The following PPP2R5A variants were observed in gnomAD, a reference collection of about 807,000 sequenced individuals.
PPP2R5A encodes serine/threonine-protein phosphatase 2A 56 kDa regulatory subunit alpha isoform.
A neutral mutation model predicts 64.2 loss-of-function variants in PPP2R5A; 25 were observed. The ratio of observed to expected loss-of-function variants is 0.39; its 90% CI spans 0.28 to 0.54. The LOEUF is 0.54. PPP2R5A is among the 20% of genes least tolerant of loss of function. The pLI is 0.67. For missense variants in PPP2R5A, 425 were observed against 576.3 expected (o/e 0.74, Z 2.69); for synonymous variants, 198 against 201.2 (o/e 0.98, Z 0.13).
At chr1:212,345,774 A>T in intron 4 of PPP2R5A, 29 bp from the exon 5 acceptor site, 1 of 1,571,740 alleles carries the variant, frequency 6.4e-7, no homozygotes, top group Non-Finnish European at 8.6e-7. Flanking sequence ...ATTATTTTTT[A>T]AAAGTAATTT....
intron 1 of PPP2R5A, among the ~76,000 whole-genome samples, chr1:212,320,438 C>T (rs1659250773): frequency 6.6e-6 from 1 of 152,158 alleles, no homozygotes; most frequent in Non-Finnish European, 1.5e-5. Context: ...GTCATCATGG[C>T]CCGTTCTCAA....
chr1:212,348,752 A>T (rs1324672889), intron 7 of PPP2R5A, among the ~76,000 whole-genome samples: 1 of 152,202 alleles, frequency 6.6e-6, no homozygotes, highest in Non-Finnish European at 1.5e-5. Context: ...TGACCTAATT[A>T]TGTGACTTTG....
chr1:212,291,020 A>G (rs977620454), intron 1 of PPP2R5A, among the ~76,000 whole-genome samples: 16 of 152,224 alleles, frequency 1.1e-4, no homozygotes, highest in African/African-American at 3.9e-4. Context: ...AGATTTTTGT[A>G]AAAAGCTGGG....
Position 212,311,496 on chromosome 1 carries a change from A to G in PPP2R5A, c.182-17639A>G, listed in dbSNP as rs779146273. On this transcript the variant is annotated intron_variant, in intron 1 of 12. Coordinates refer to ENST00000261461, the MANE Select transcript of PPP2R5A (RefSeq NM_006243.4). ...AAAAAAAAGTATATATAGCATATAC[A>G]ATTATGTACAATACATAATACTTGA... 4.9e-4 allele frequency among the ~76,000 whole-genome samples: 74 copies of G among 152,322 alleles called. 1 individual carries two copies. The highest frequency in any genetic ancestry group is 1.3e-4 in the Non-Finnish European group (9 of 68,038).
intron 1 of PPP2R5A, among the ~76,000 whole-genome samples, chr1:212,306,195 T>C (rs1658897724): frequency 6.6e-6 from 1 of 151,698 alleles, no homozygotes; most frequent in Non-Finnish European, 1.5e-5. Flanking sequence ...TAAAGGAAAG[T>C]GGAGAGAATA....
At chr1:212,350,009 C>T (rs972891920) in intron 8 of PPP2R5A, among the ~76,000 whole-genome samples, 50 of 152,200 alleles carry the variant, frequency 3.3e-4, no homozygotes, top group Non-Finnish European at 5.9e-4. Context: ...GTGATTGCGG[C>T]TTTTGCCATT....
chr1:212,351,089 A>G (rs1659868751), intron 8 of PPP2R5A, among the ~76,000 whole-genome samples: 1 of 145,294 alleles, frequency 6.9e-6, no homozygotes, highest in African/African-American at 2.7e-5. Context: ...GGTTACAGTG[A>G]GCCGAGATGA....
chr1:212,356,352 A>C (rs1659977293), intron 8 of PPP2R5A, among the ~76,000 whole-genome samples: 1 of 152,198 alleles, frequency 6.6e-6, no homozygotes, highest in Non-Finnish European at 1.5e-5. Flanking sequence ...CCTCCATTAG[A>C]ACGTAAGCTC....
chr1:212,359,599 A>G (rs547924274), intron 12 of PPP2R5A, among the ~76,000 whole-genome samples: 2 of 152,308 alleles, frequency 1.3e-5, no homozygotes, highest in South Asian at 4.1e-4. Flanking sequence ...GAGCCCACCC[A>G]TTATTTGAGG....
At chr1:212,352,200 T>TG (rs1233161748) in intron 8 of PPP2R5A, among the ~76,000 whole-genome samples, 1 of 151,568 alleles carries the variant, frequency 6.6e-6, no homozygotes, top group Non-Finnish European at 1.5e-5. Flanking sequence ...GGTTTTTTTT[T>TG]GTATTTTTAG....
intron 1 of PPP2R5A, among the ~76,000 whole-genome samples, chr1:212,301,190 T>TA (rs1220798402): frequency 6.6e-6 from 1 of 152,192 alleles, no homozygotes; most frequent in Non-Finnish European, 1.5e-5. Context: ...TTTGTATTTT[T>TA]AGTAGAGACG....
chr1:212,302,036 T>C, intron 1 of PPP2R5A: 1 of 1,522,940 alleles, frequency 6.6e-7, no homozygotes, highest in Non-Finnish European at 8.8e-7. Context: ...CTCAGAAGTT[T>C]AGTTTATCAC....
intron 4 of PPP2R5A, among the ~76,000 whole-genome samples, chr1:212,344,098 A>G (rs955524027): frequency 2.0e-5 from 3 of 152,120 alleles, no homozygotes; most frequent in Non-Finnish European, 2.9e-5. Flanking sequence ...CAGCCTCCCA[A>G]GTAGCTGGGA....
At chr1:212,325,034 T>TCA (rs1263866035) in intron 1 of PPP2R5A, among the ~76,000 whole-genome samples, 3 of 152,172 alleles carry the variant, frequency 2.0e-5, no homozygotes, top group African/African-American at 7.2e-5. Context: ...TTCTTCAAAT[T>TCA]CAGAGTTTTT....
At chr1:212,333,635 TTATG>T (rs776036857) in intron 3 of PPP2R5A, 37 bp downstream of exon 3, 6 of 1,235,646 alleles carry the variant, frequency 4.9e-6, no homozygotes, top group Non-Finnish European at 5.7e-6. Flanking sequence ...GTTTTTATAT[TTATG>T]CTATTCTGCA....
chr1:212,335,202 A>G (rs1260234608), intron 3 of PPP2R5A, among the ~76,000 whole-genome samples: 2 of 152,070 alleles, frequency 1.3e-5, no homozygotes, highest in Non-Finnish European at 2.9e-5. Flanking sequence ...GAGAGAGGCC[A>G]GGCATGGTGG....
At chr1:212,306,360 G>A (rs924788821) in intron 1 of PPP2R5A, among the ~76,000 whole-genome samples, 1 of 151,400 alleles carries the variant, frequency 6.6e-6, no homozygotes, top group Admixed American at 6.6e-5. Flanking sequence ...AAGAATGGAG[G>A]GGGGGTAACT....
intron 1 of PPP2R5A, among the ~76,000 whole-genome samples, chr1:212,327,498 C>CA (rs1659426157): frequency 6.6e-6 from 1 of 152,030 alleles, no homozygotes; most frequent in Non-Finnish European, 1.5e-5. Flanking sequence ...CATTGCAACC[C>CA]CCACCTCCTG....
intron 1 of PPP2R5A, among the ~76,000 whole-genome samples, chr1:212,320,811 G>A (rs1157232146): frequency 7.1e-6 from 1 of 139,980 alleles, no homozygotes; most frequent in Non-Finnish European, 1.6e-5. Context: ...CGGGCGGGGG[G>A]CTGACCCCCC....
Sources: gnomAD v4.1 joint callset for allele counts (sites outside exome capture counted in the v4.1 genomes callset) on GRCh38, gnomAD v4.1.1 for gene constraint, MANE v1.5 for transcripts, NCBI Gene and HGNC (gene_info 2026-07-23, HGNC 2026-07-21) for gene names.